The following KCNQ1OT1 variants were observed in gnomAD, a reference collection of about 807,000 sequenced individuals.
KCNQ1OT1 encodes the protein KCNQ1 opposite strand/antisense transcript 1.
chr11:2,617,165 T>G lies in KCNQ1OT1; in HGVS notation n.82830A>C, dbSNP rs888550660. On this transcript the variant is annotated non_coding_transcript_exon_variant, in exon 1 of 1. Transcript: ENST00000597346. The surrounding 1 kb of genome is among the most constrained non-coding windows in gnomAD (Gnocchi z 4.6). Reference sequence around the variant, plus strand: ...CTATTCTCATGTTCTACATGAGATCTCTAGACTTGTTCATCCTATATATCT... The same window carrying G: ...CTATTCTCATGTTCTACATGAGATCGCTAGACTTGTTCATCCTATATATCT... The G allele has an allele frequency of 2.5e-6, 1 of 398,248 alleles. No individual in the cohort carries two copies. Among genetic ancestry groups the G allele is most frequent in the African/African-American group, 2.1e-5 (1 of 48,612 alleles). 24.7% of individuals were successfully genotyped at this position (398,248 alleles called of 1,614,324 possible). A position where few individuals can be genotyped will look rare whatever the true frequency, so the allele number is the denominator to read the frequency against.
Position 2,642,864 on chromosome 11 carries a change from C to T in KCNQ1OT1, n.57131G>A. ...CCTTAAGTTTCAGAATGTTGTGCTT[C>T]TATTTTCACTTGTTTCAGTAAATTT... On this transcript the variant is annotated non_coding_transcript_exon_variant, in exon 1 of 1. Transcript: ENST00000597346. This position sits in a 1 kb window ranked among gnomAD's most constrained non-coding sequence, Gnocchi z 4.3. 2.5e-6 allele frequency: 1 copy of T among 397,786 alleles called. No homozygotes were observed. The allele number at this position is 397,786 out of a possible 1,614,324, so 24.6% of individuals were successfully genotyped here. A position where few individuals can be genotyped will look rare whatever the true frequency, so the allele number is the denominator to read the frequency against.
exon 1 of KCNQ1OT1, chr11:2,628,761 G>A: frequency 5.0e-6 from 2 of 398,326 alleles, no homozygotes; most frequent in Admixed American, 4.4e-5. Context: ...ATGGTTTCAG[G>A]TCATATGTTT....
chr11:2,662,891 T>C (rs2133857636), exon 1 of KCNQ1OT1: 1 of 398,754 alleles, frequency 2.5e-6, no homozygotes, highest in South Asian at 1.3e-4. Context: ...TTTTGTTCTT[T>C]GGACTCTCTG....
At chr11:2,699,203 G>A (rs919993194) in exon 1 of KCNQ1OT1, 20 of 398,678 alleles carry the variant, frequency 5.0e-5, no homozygotes, top group African/African-American at 3.3e-4. Context: ...CTTGGGACGC[G>A]GCCAGGAACT....
exon 1 of KCNQ1OT1, chr11:2,692,038 C>T (rs1359954809): frequency 5.0e-6 from 2 of 398,638 alleles, no homozygotes; most frequent in Non-Finnish European, 8.8e-6. Context: ...GGCCCTGACC[C>T]CCCAAATGTC....
exon 1 of KCNQ1OT1, chr11:2,697,095 C>G: frequency 7.5e-6 from 3 of 398,542 alleles, no homozygotes; most frequent in Non-Finnish European, 1.3e-5. Flanking sequence ...TTTGCCTTTT[C>G]TTTCATTCTC....
At chr11:2,643,201 C>T in exon 1 of KCNQ1OT1, 1 of 398,176 alleles carries the variant, frequency 2.5e-6, no homozygotes, top group Non-Finnish European at 4.4e-6. Flanking sequence ...CAGTTTAAAT[C>T]CAATGTTTCT....
chr11:2,660,741 G>T (rs1849938690), exon 1 of KCNQ1OT1: 2 of 398,510 alleles, frequency 5.0e-6, no homozygotes, highest in South Asian at 2.5e-4. Flanking sequence ...ATTCAGGCAT[G>T]GATGTGGGAA....
In KCNQ1OT1 at chr11:2,620,544, T is replaced by A. The variant is rs994892389; in HGVS notation, n.79451A>T. 1.0e-5 allele frequency: 4 copies of A among 395,374 alleles called. No individual in the cohort carries two copies. The highest frequency in any genetic ancestry group is 2.1e-5 in the African/African-American group (1 of 48,572). 24.5% of individuals were successfully genotyped at this position (395,374 alleles called of 1,614,324 possible). On this transcript the variant is annotated non_coding_transcript_exon_variant, in exon 1 of 1. Transcript: ENST00000597346. This position sits in a 1 kb window ranked among gnomAD's most constrained non-coding sequence, Gnocchi z 4.5. ...TTCATTCATTTTTATGGCTGCATAG[T>A]ATTCCATGGTGTACATGTACCACAT...
chr11:2,665,185 C>A, exon 1 of KCNQ1OT1: 1 of 398,720 alleles, frequency 2.5e-6, no homozygotes, highest in East Asian at 3.6e-5. Context: ...AGGACTCAGC[C>A]TCGAACACAC....
chr11:2,618,114 G>A (rs999744756), exon 1 of KCNQ1OT1: 11 of 398,276 alleles, frequency 2.8e-5, no homozygotes, highest in African/African-American at 4.1e-5. Flanking sequence ...GAGCCATGTC[G>A]AGCTTTTCCC....
At position 2,687,778 on chromosome 11, in the gene KCNQ1OT1, C is replaced by G. The variant is rs1850516120; in HGVS notation, n.12217G>C. The G allele has an allele frequency of 2.5e-6, 1 of 398,662 alleles. No homozygotes were observed. Among genetic ancestry groups the G allele is most frequent in the Non-Finnish European group, 4.4e-6 (1 of 226,234 alleles). 24.7% of individuals were successfully genotyped at this position (398,662 alleles called of 1,614,324 possible). A position where few individuals can be genotyped will look rare whatever the true frequency, so the allele number is the denominator to read the frequency against. On this transcript the variant is annotated non_coding_transcript_exon_variant, in exon 1 of 1. Transcript: ENST00000597346. This position sits in a 1 kb window ranked among gnomAD's most constrained non-coding sequence, Gnocchi z 5.0. ...AAGAGGAGCCCCTTAGCAGGCCTAA[C>G]CACACCCCTAAGCCACCCAGCCTGG... is the stretch of plus-strand genomic sequence containing the variant.
Position 2,654,111 on chromosome 11 carries a change from C to G in KCNQ1OT1, n.45884G>C, listed in dbSNP as rs566661646. On this transcript the variant is annotated non_coding_transcript_exon_variant, in exon 1 of 1. Coordinates refer to ENST00000597346, the Ensembl canonical transcript of KCNQ1OT1. This position sits in a 1 kb window ranked among gnomAD's most constrained non-coding sequence, Gnocchi z 6.4. ...CTTACTTCTCGCCTCTGAGTGGAGA[C>G]ACAGGTGGTGGCGGGGCCACTCTGG... 7.5e-5 allele frequency: 30 copies of G among 398,738 alleles called. No individual in the cohort carries two copies. The East Asian group carries it at 8.2e-4, about 11-fold the overall frequency. 24.7% of individuals were successfully genotyped at this position (398,738 alleles called of 1,614,324 possible). A position where few individuals can be genotyped will look rare whatever the true frequency, so the allele number is the denominator to read the frequency against.
At position 2,661,955 on chromosome 11, in the gene KCNQ1OT1, C is replaced by T. The variant is rs759714698; in HGVS notation, n.38040G>A. ...CTAACGTGCTGTCCCCACACTTTCT[C>T]CTCAGTAAGGAAGAGCCCAACACTG... is the stretch of plus-strand genomic sequence containing the variant. On this transcript the variant is annotated non_coding_transcript_exon_variant, in exon 1 of 1. Transcript: ENST00000597346. The surrounding 1 kb of genome is among the most constrained non-coding windows in gnomAD (Gnocchi z 5.9). 5.0e-6 allele frequency: 8 copies of T among 1,614,076 alleles called. No homozygotes were observed. The highest frequency in any genetic ancestry group is 6.8e-6 in the Non-Finnish European group (8 of 1,180,046).
chr11:2,610,988 G>A (rs1470932902), exon 1 of KCNQ1OT1: 1 of 398,238 alleles, frequency 2.5e-6, no homozygotes, highest in Non-Finnish European at 4.4e-6. Flanking sequence ...TACTATTATT[G>A]TTGAGTTGTC....
At position 2,661,880 on chromosome 11, in the gene KCNQ1OT1, TG is replaced by T; in HGVS notation, n.38114del. The T allele has an allele frequency of 6.3e-7, 1 of 1,574,986 alleles. No homozygotes were observed. The highest frequency in any genetic ancestry group is 8.7e-7 in the Non-Finnish European group (1 of 1,145,882). On this transcript the variant is annotated non_coding_transcript_exon_variant, in exon 1 of 1. Coordinates refer to ENST00000597346, the Ensembl canonical transcript of KCNQ1OT1. The surrounding 1 kb of genome is among the most constrained non-coding windows in gnomAD (Gnocchi z 5.9). ...ACAAGCTCCACTCCTCACCTGGCCCTGGGAGCTCACAGGCCTGGCTCCACAG... is the reference window on the plus strand; with the variant it reads ...ACAAGCTCCACTCCTCACCTGGCCCTGGAGCTCACAGGCCTGGCTCCACAG...
chr11:2,620,625 G>T lies in KCNQ1OT1; in HGVS notation n.79370C>A, dbSNP rs1488332545. The T allele has an allele frequency of 5.0e-6, 2 of 397,756 alleles. No homozygotes were observed. The highest frequency in any genetic ancestry group is 8.9e-6 in the Non-Finnish European group (2 of 225,984). The allele number at this position is 397,756 out of a possible 1,614,324, so 24.6% of individuals were successfully genotyped here. A position where few individuals can be genotyped will look rare whatever the true frequency, so the allele number is the denominator to read the frequency against. On this transcript the variant is annotated non_coding_transcript_exon_variant, in exon 1 of 1. Transcript: ENST00000597346. The surrounding 1 kb of genome is among the most constrained non-coding windows in gnomAD (Gnocchi z 4.5). ...TCTAAGTGGATTCCATGTCTTTGCT[G>T]TTGTGAATAGTGCTGTGATGAACAT...
At position 2,690,739 on chromosome 11, in the gene KCNQ1OT1, A is replaced by G. The variant is rs1030913557; in HGVS notation, n.9256T>C. The G allele has an allele frequency of 6.0e-5, 24 of 398,552 alleles. No individual in the cohort carries two copies. Among genetic ancestry groups the G allele is most frequent in the Admixed American group, 4.4e-5 (1 of 22,716 alleles). The allele number at this position is 398,552 out of a possible 1,614,324, so 24.7% of individuals were successfully genotyped here. A position where few individuals can be genotyped will look rare whatever the true frequency, so the allele number is the denominator to read the frequency against. On this transcript the variant is annotated non_coding_transcript_exon_variant, in exon 1 of 1. Coordinates refer to ENST00000597346, the Ensembl canonical transcript of KCNQ1OT1. The surrounding 1 kb of genome is among the most constrained non-coding windows in gnomAD (Gnocchi z 5.1). Reference sequence around the variant, plus strand: ...TGATCCCAGTGGTTGAAGATGGAGTATGATCCCAAATCCCTTAGGTGGATG... The same window carrying G: ...TGATCCCAGTGGTTGAAGATGGAGTGTGATCCCAAATCCCTTAGGTGGATG...
At position 2,662,121 on chromosome 11, in the gene KCNQ1OT1, G is replaced by A. The variant is rs539228409; in HGVS notation, n.37874C>T. On this transcript the variant is annotated non_coding_transcript_exon_variant, in exon 1 of 1. Transcript: ENST00000597346. Reference sequence around the variant, plus strand: ...GTGCGTGAAGGGCTGGGCTGGAGGGGACTGGAGCTCAAGGAGTCAGACTTG... The same window carrying A: ...GTGCGTGAAGGGCTGGGCTGGAGGGAACTGGAGCTCAAGGAGTCAGACTTG... 3.1e-6 allele frequency: 5 copies of A among 1,613,534 alleles called. No homozygotes were observed. In the South Asian group the frequency reaches 3.3e-5, roughly 11 times the overall value.
Sources: allele counts gnomAD v4.1 joint callset, GRCh38; gene constraint gnomAD v4.1.1; non-coding constraint Gnocchi (gnomAD v3.1); transcripts MANE v1.5; gene names NCBI Gene and HGNC (gene_info 2026-07-23, HGNC 2026-07-21).